Variants in FAM163B observed in about 807,000 individuals in gnomAD.
The protein encoded by FAM163B is protein FAM163B.
In FAM163B, 4 loss-of-function variants were observed where a neutral mutation model predicts 7.6. The observed-to-expected ratio is 0.52, with a 90% CI of 0.26 to 1.20. The LOEUF (loss-of-function observed/expected upper bound fraction) is 1.20, where lower values mean the gene tolerates loss of function less well. FAM163B is among the 50% of genes most tolerant of loss of function. The pLI, the probability that FAM163B is intolerant of heterozygous loss-of-function variation, is 0.14. For missense variants in FAM163B, 250 were observed against 243.0 expected (o/e 1.03, Z -0.19); for synonymous variants, 120 against 111.6 (o/e 1.07, Z -0.47).
intron 1 of FAM163B, among the ~76,000 whole-genome samples, chr9:133,587,220 C>A (rs1047883766): frequency 2.0e-5 from 3 of 152,198 alleles, no homozygotes; most frequent in African/African-American, 7.2e-5. Context: ...GACCGGCGAC[C>A]AGGGCGACCC....
intron 1 of FAM163B, among the ~76,000 whole-genome samples, chr9:133,588,158 T>C (rs75229803): frequency 0.43 from 65,990 of 151,940 alleles, 15,180 homozygotes; most frequent in East Asian, 0.9. Context: ...ACTAGGGAAT[T>C]GCAGACCCTG....
intron 1 of FAM163B, among the ~76,000 whole-genome samples, chr9:133,598,725 A>T (rs568417103): frequency 3.3e-5 from 5 of 152,150 alleles, no homozygotes; most frequent in Non-Finnish European, 4.4e-5. Context: ...TTTTGGGTCT[A>T]TATCTCCCCA....
intron 1 of FAM163B, among the ~76,000 whole-genome samples, chr9:133,596,149 G>A (rs567262135): frequency 2.0e-5 from 3 of 152,046 alleles, no homozygotes; most frequent in East Asian, 1.9e-4. Flanking sequence ...GGGATGGGGG[G>A]ATGAGTGGGA....
chr9:133,587,129 C>T (rs1280472306), intron 1 of FAM163B, among the ~76,000 whole-genome samples: 2 of 152,224 alleles, frequency 1.3e-5, no homozygotes, highest in African/African-American at 4.8e-5. Flanking sequence ...CCTTGCTCCT[C>T]AAGGAGTCTT....
chr9:133,578,795 A>T lies in FAM163B; in HGVS notation c.*227T>A. The T allele has an allele frequency of 2.7e-6, 2 of 750,282 alleles. No individual in the cohort carries two copies. Among genetic ancestry groups the T allele is most frequent in the Non-Finnish European group, 3.9e-6 (2 of 513,380 alleles). 46.5% of individuals were successfully genotyped at this position (750,282 alleles called of 1,614,324 possible). Reference sequence around the variant, plus strand: ...GGCTGTATGGTCACCTGGTCCTTCTAGCCCCAGGCCCCAGCTGTGCCTCCC... The same window carrying T: ...GGCTGTATGGTCACCTGGTCCTTCTTGCCCCAGGCCCCAGCTGTGCCTCCC... On this transcript the variant is annotated 3_prime_UTR_variant, in exon 3 of 3. Transcript: ENST00000673969.
chr9:133,603,014 G>C (rs1461066431), intron 1 of FAM163B, among the ~76,000 whole-genome samples: 4 of 152,178 alleles, frequency 2.6e-5, no homozygotes, highest in Non-Finnish European at 5.9e-5. Context: ...GCGGAGGGGG[G>C]GCCAGCCCAA....
Position 133,578,864 on chromosome 9 carries a change from G to C in FAM163B, c.*158C>G. The C allele has an allele frequency of 1.5e-6, 2 of 1,361,086 alleles. No individual in the cohort carries two copies. Among genetic ancestry groups the C allele is most frequent in the Non-Finnish European group, 1.9e-6 (2 of 1,036,684 alleles). 84.3% of individuals were successfully genotyped at this position (1,361,086 alleles called of 1,614,324 possible). Reference sequence around the variant, plus strand: ...TCAATGAGCCTTATCCCTGCCACGAGCCTGGGGGCTCCCCAAGCCTGGGCC... The same window carrying C: ...TCAATGAGCCTTATCCCTGCCACGACCCTGGGGGCTCCCCAAGCCTGGGCC... On this transcript the variant is annotated 3_prime_UTR_variant, in exon 3 of 3. Transcript: ENST00000673969.
At chr9:133,599,451 T>A (rs1831680054) in intron 1 of FAM163B, among the ~76,000 whole-genome samples, 1 of 152,116 alleles carries the variant, frequency 6.6e-6, no homozygotes, top group South Asian at 2.1e-4. Flanking sequence ...TGTGTCTGTG[T>A]ATCTGTGTCT....
intron 1 of FAM163B, among the ~76,000 whole-genome samples, chr9:133,594,709 G>A (rs942796442): frequency 6.6e-6 from 1 of 152,166 alleles, no homozygotes; most frequent in Non-Finnish European, 1.5e-5. Context: ...GTGCACTGGT[G>A]ATTTCGGGAG....
chr9:133,605,548 C>T (rs1162821402), intron 1 of FAM163B, among the ~76,000 whole-genome samples: 3 of 152,194 alleles, frequency 2.0e-5, no homozygotes, highest in South Asian at 4.1e-4. Flanking sequence ...GTGACTAGCT[C>T]GGTCCGGCAG....
At chr9:133,603,387 C>T (rs925164557) in intron 1 of FAM163B, among the ~76,000 whole-genome samples, 7 of 152,142 alleles carry the variant, frequency 4.6e-5, no homozygotes, top group East Asian at 1.9e-4. Context: ...TGGTAGGAAC[C>T]GCAGAGGGTC....
chr9:133,603,907 T>C (rs1000948274), intron 1 of FAM163B, among the ~76,000 whole-genome samples: 1 of 152,238 alleles, frequency 6.6e-6, no homozygotes, highest in African/African-American at 2.4e-5. Context: ...TGGTGTGATC[T>C]TGGCTCACTG....
In FAM163B at chr9:133,579,182, A is replaced by G. The variant is rs755778016; in HGVS notation, c.341T>C (p.Val114Ala). The G allele has an allele frequency of 1.2e-5, 20 of 1,611,732 alleles. No individual in the cohort carries two copies. The highest frequency in any genetic ancestry group is 1.6e-5 in the Non-Finnish European group (19 of 1,179,836). Residue 114 changes from valine to alanine, a missense_variant, in exon 3 of 3, where the codon GTG becomes GCG. Val to Ala is a moderately conservative substitution (Grantham distance 64). Coordinates refer to ENST00000673969, the MANE Select transcript of FAM163B (RefSeq NM_001080515.3). ...GAGCACGCGCTCCCCGCCGTTCAGC[A>G]CGTCCTCTTCCTCCTCCGGCGGCTC... ...LQEPPEEEED[V>A]LNGGERVLYK...
At chr9:133,587,781 G>A (rs1347044587) in intron 1 of FAM163B, among the ~76,000 whole-genome samples, 1 of 152,010 alleles carries the variant, frequency 6.6e-6, no homozygotes, top group African/African-American at 2.4e-5. Flanking sequence ...GGGAGGCGGG[G>A]CACTCAGACC....
At chr9:133,583,652 A>G (rs1014055154) in intron 1 of FAM163B, among the ~76,000 whole-genome samples, 1 of 152,172 alleles carries the variant, frequency 6.6e-6, no homozygotes, top group Non-Finnish European at 1.5e-5. Flanking sequence ...TCTGAGATGC[A>G]GCCGGTCCCT....
rs901522071 is a variant in FAM163B at position 133,609,062 on chromosome 9, C to T, written c.-24+15G>A. Among the ~76,000 whole-genome samples the T allele has an allele frequency of 6.6e-6, 1 of 152,210 alleles. No individual in the cohort carries two copies. The highest frequency in any genetic ancestry group is 6.5e-5 in the Admixed American group (1 of 15,290). ...TGCCCCACACCCCGTGACCCGCGGCCCGCTCGGCCCTTACCTTGAAGCATG... is the reference window on the plus strand; with the variant it reads ...TGCCCCACACCCCGTGACCCGCGGCTCGCTCGGCCCTTACCTTGAAGCATG... On this transcript the variant is annotated intron_variant, in intron 1 of 2. Coordinates refer to ENST00000673969, the MANE Select transcript of FAM163B (RefSeq NM_001080515.3).
At chr9:133,586,569 C>G (rs1392526883) in intron 1 of FAM163B, among the ~76,000 whole-genome samples, 1 of 152,176 alleles carries the variant, frequency 6.6e-6, no homozygotes, top group East Asian at 1.9e-4. Context: ...CTGGAGAGCC[C>G]CCTGGGGTCA....
Position 133,606,411 on chromosome 9 carries a change from C to G in FAM163B, c.-24+2666G>C, listed in dbSNP as rs528362282. 6.6e-5 allele frequency among the ~76,000 whole-genome samples: 10 copies of G among 152,224 alleles called. No homozygotes were observed. The highest frequency in any genetic ancestry group is 6.5e-4 in the Admixed American group (10 of 15,282). On this transcript the variant is annotated intron_variant, in intron 1 of 2. Coordinates refer to ENST00000673969, the MANE Select transcript of FAM163B (RefSeq NM_001080515.3). The surrounding 1 kb of genome is among the most constrained non-coding windows in gnomAD (Gnocchi z 4.0). ...AAAGACTGAGACACTGCAAGAAGTA[C>G]CAGTGCCAAGTGTGGCAGCAGCTGG...
At chr9:133,603,874 C>T (rs1564198455) in intron 1 of FAM163B, among the ~76,000 whole-genome samples, 1 of 152,222 alleles carries the variant, frequency 6.6e-6, no homozygotes, top group African/African-American at 2.4e-5. Context: ...GAGTCTCACT[C>T]TGTCACCCAG....
Sources: allele counts gnomAD v4.1 joint callset (sites outside exome capture counted in the v4.1 genomes callset), GRCh38; gene constraint gnomAD v4.1.1; non-coding constraint Gnocchi (gnomAD v3.1); transcripts MANE v1.5; gene names NCBI Gene and HGNC (gene_info 2026-07-23, HGNC 2026-07-21).